The following KCNH5 variants were observed in gnomAD, a reference collection of about 807,000 sequenced individuals.
KCNH5 encodes voltage-gated delayed rectifier potassium channel KCNH5.
KCNH5 carries 46 observed loss-of-function variants against 96.1 expected under a neutral mutation model. The observed-to-expected ratio is 0.48, with a 90% CI of 0.38 to 0.61. The LOEUF is 0.61. KCNH5 is among the 20% of genes least tolerant of loss of function. KCNH5 has a pLI of 0.00. For missense variants in KCNH5, 907 were observed against 1,225.8 expected, an observed-to-expected ratio of 0.74 and a Z score of 3.88; for synonymous variants, 439 against 449.8, an observed-to-expected ratio of 0.98 and a Z score of 0.30.
At chr14:62,912,037 CAA>C (rs1163755853) in intron 7 of KCNH5, among the ~76,000 whole-genome samples, 50 of 79,644 alleles carry the variant, frequency 6.3e-4, no homozygotes, top group East Asian at 1.4e-3. Flanking sequence ...GACTCCTAAT[CAA>C]AAAAAAAAAA....
At chr14:62,846,894 G>A (rs903163072) in intron 8 of KCNH5, among the ~76,000 whole-genome samples, 4 of 133,950 alleles carry the variant, frequency 3.0e-5, no homozygotes, top group South Asian at 2.5e-4. Context: ...TCCGCCTCCC[G>A]GGTTCACACC....
intron 1 of KCNH5, among the ~76,000 whole-genome samples, chr14:63,033,466 G>A (rs558576395): frequency 2.6e-5 from 4 of 152,042 alleles, no homozygotes; most frequent in Non-Finnish European, 5.9e-5. Context: ...TACTTCTTTA[G>A]AAAGGCCTCC....
At chr14:62,950,064 C>A in intron 7 of KCNH5, 69 bp downstream of exon 7, 1 of 1,369,130 alleles carries the variant, frequency 7.3e-7, no homozygotes. Context: ...CGTTTTCATC[C>A]TATCTGAGAT....
chr14:62,782,630 G>A (rs901378171), intron 9 of KCNH5, among the ~76,000 whole-genome samples: 3 of 152,058 alleles, frequency 2.0e-5, no homozygotes, highest in Non-Finnish European at 4.4e-5. Context: ...CTAACACGGT[G>A]AAACACCGTC....
intron 10 of KCNH5, among the ~76,000 whole-genome samples, chr14:62,748,711 A>G (rs926354369): frequency 6.6e-6 from 1 of 152,050 alleles, no homozygotes; most frequent in Non-Finnish European, 1.5e-5. Context: ...TCAGTCAGAG[A>G]GCGTTGGTAT....
intron 7 of KCNH5, among the ~76,000 whole-genome samples, chr14:62,908,355 C>T (rs887523368): frequency 6.6e-6 from 1 of 152,156 alleles, no homozygotes; most frequent in Non-Finnish European, 1.5e-5. Flanking sequence ...GTCTGACTTT[C>T]AATCACCTTC....
chr14:62,986,415 A>G (rs995623580), intron 5 of KCNH5, among the ~76,000 whole-genome samples: 1 of 152,116 alleles, frequency 6.6e-6, no homozygotes, highest in Admixed American at 6.6e-5. Context: ...CTCCTTCCCC[A>G]TATGAGTTCA....
At chr14:62,981,428 G>A (rs370995420) in intron 5 of KCNH5, among the ~76,000 whole-genome samples, 164 bp from the exon 6 acceptor site, 21 of 152,148 alleles carry the variant, frequency 1.4e-4, no homozygotes, top group African/African-American at 5.1e-4. Flanking sequence ...GTCACTCCAA[G>A]TCCAATCACT....
intron 10 of KCNH5, among the ~76,000 whole-genome samples, chr14:62,748,072 G>C (rs74058984): frequency 6.6e-6 from 1 of 152,194 alleles, no homozygotes; most frequent in African/African-American, 2.4e-5. Flanking sequence ...GACCCCAAGA[G>C]AGGGTTCTTT....
At chr14:62,868,540 A>C (rs1361483329) in intron 7 of KCNH5, among the ~76,000 whole-genome samples, 2 of 152,140 alleles carry the variant, frequency 1.3e-5, no homozygotes, top group Non-Finnish European at 2.9e-5. Flanking sequence ...TTGTGCTTTT[A>C]AAATTTTTTA....
At chr14:62,956,631 C>CGG (rs560370805) in intron 6 of KCNH5, among the ~76,000 whole-genome samples, 2 of 35,626 alleles carry the variant, frequency 5.6e-5, no homozygotes, top group Non-Finnish European at 1.2e-4. Context: ...TTGGTGGGGG[C>CGG]GGGGGGGGGC....
chr14:62,834,150 G>C (rs1038876809), intron 8 of KCNH5, among the ~76,000 whole-genome samples: 1 of 151,868 alleles, frequency 6.6e-6, no homozygotes, highest in Non-Finnish European at 1.5e-5. Context: ...AATATCACCA[G>C]CCACTCCTGA....
Position 62,780,493 on chromosome 14 carries a change from G to A in KCNH5, c.1823-569C>T, listed in dbSNP as rs1042545094. On this transcript the variant is annotated intron_variant, in intron 9 of 10. Transcript: ENST00000322893. ...CAGGTTCTCGGAGTCCAGCCCAAGAGCTCCCCATCCACAATTACAAAGCTG... is the reference window on the plus strand; with the variant it reads ...CAGGTTCTCGGAGTCCAGCCCAAGAACTCCCCATCCACAATTACAAAGCTG... Among the ~76,000 whole-genome samples, 8 of 152,016 alleles carry A rather than the reference G, an allele frequency of 5.3e-5. No homozygotes were observed. In the South Asian group the frequency reaches 1.7e-3, roughly 32 times the overall value.
chr14:62,953,806 C>A (rs1186796760), intron 6 of KCNH5, among the ~76,000 whole-genome samples: 1 of 149,710 alleles, frequency 6.7e-6, no homozygotes, highest in Non-Finnish European at 1.5e-5. Flanking sequence ...GTGACAGGAA[C>A]TGCCTCTCCA....
intron 8 of KCNH5, 103 bp from the exon 9 acceptor site, chr14:62,802,684 A>G (rs963962848): frequency 1.5e-6 from 2 of 1,313,018 alleles, no homozygotes; most frequent in Non-Finnish European, 2.1e-6. Flanking sequence ...TATGTCTGCT[A>G]CACTGCTACA....
At chr14:62,911,104 G>C (rs1005151987) in intron 7 of KCNH5, among the ~76,000 whole-genome samples, 1 of 151,892 alleles carries the variant, frequency 6.6e-6, no homozygotes, top group Non-Finnish European at 1.5e-5. Flanking sequence ...CTAACACCTA[G>C]AACAGTACTC....
intron 7 of KCNH5, among the ~76,000 whole-genome samples, chr14:62,924,840 G>A (rs1889443543): frequency 6.6e-6 from 1 of 151,864 alleles, no homozygotes; most frequent in Admixed American, 6.6e-5. Context: ...TGATCAAAGG[G>A]TATGAACTTT....
Position 62,904,272 on chromosome 14 carries a change from C to T in KCNH5, c.1369+45861G>A, listed in dbSNP as rs1039824041. On this transcript the variant is annotated intron_variant, in intron 7 of 10. Coordinates refer to ENST00000322893, the MANE Select transcript of KCNH5 (RefSeq NM_139318.5). The stretch of plus-strand genomic sequence containing the variant: ...TTAGTCACTGTACCTATTTTTCCTT[C>T]GCTGGCATAAACTTATTATGTTACA... Among the ~76,000 whole-genome samples, 26 of 152,114 alleles carry T rather than the reference C, an allele frequency of 1.7e-4. 1 individual carries two copies. Among genetic ancestry groups the T allele is most frequent in the Admixed American group, 1.3e-3 (20 of 15,272 alleles).
At chr14:62,954,196 A>T (rs1890057187) in intron 6 of KCNH5, among the ~76,000 whole-genome samples, 1 of 152,172 alleles carries the variant, frequency 6.6e-6, no homozygotes, top group Non-Finnish European at 1.5e-5. Flanking sequence ...CATACAGTTT[A>T]TGACAAATAC....
Sources: allele counts gnomAD v4.1 joint callset (sites outside exome capture counted in the v4.1 genomes callset), GRCh38; gene constraint gnomAD v4.1.1; transcripts MANE v1.5; gene names NCBI Gene and HGNC (gene_info 2026-07-23, HGNC 2026-07-21).